The following ULK1 variants were observed in gnomAD, a reference collection of about 807,000 sequenced individuals.
The protein encoded by ULK1 is unc-51 like autophagy activating kinase 1, also known as serine/threonine-protein kinase ULK1.
Under a neutral mutation model 117.5 loss-of-function variants are expected in ULK1, and 48 were observed. The ratio of observed to expected loss-of-function variants is 0.41; its 90% CI spans 0.32 to 0.52. ULK1 has a LOEUF of 0.52. ULK1 is among the 20% of genes least tolerant of loss of function. ULK1 has a pLI of 0.29. For missense variants in ULK1, 1,387 were observed against 1,473.4 expected (o/e 0.94, Z 0.96); for synonymous variants, 790 against 637.8 (o/e 1.24, Z -3.60).
At chr12:131,916,225 C>G (rs1889775993) in intron 19 of ULK1, 66 bp downstream of exon 19, 2 of 1,570,454 alleles carry the variant, frequency 1.3e-6, no homozygotes, top group Non-Finnish European at 1.7e-6. Context: ...AATGGCCAGT[C>G]CTGAACAAAG....
In ULK1 at chr12:131,920,343, G is replaced by A. The variant is rs1025570917; in HGVS notation, c.2961+207G>A. Reference sequence around the variant, plus strand: ...GTGCATCCTTGATTGTACGGGTGCCGTGGCCCATGTGCATCCTGCCTCGCC... The same window carrying A: ...GTGCATCCTTGATTGTACGGGTGCCATGGCCCATGTGCATCCTGCCTCGCC... On this transcript the variant is annotated intron_variant, in intron 26 of 27. Transcript: ENST00000321867. The A allele has an allele frequency of 8.8e-5, 53 of 605,556 alleles. No individual in the cohort carries two copies. The East Asian group carries it at 1.3e-3, about 15-fold the overall frequency. The allele number at this position is 605,556 out of a possible 1,614,324, so 37.5% of individuals were successfully genotyped here.
Position 131,915,161 on chromosome 12 carries a change from T to C in ULK1, c.1452T>C (p.Ala484=). 6.2e-7 allele frequency: 1 copy of C among 1,605,718 alleles called. No individual in the cohort carries two copies. Among genetic ancestry groups the C allele is most frequent in the Middle Eastern group, 1.7e-4 (1 of 6,042 alleles). ...CCAGCCCCTCGCCCCCTGCCCACGC[T>C]GAGCATGGAGGCGTCCTGGCCAGGA... ...ARASPSPPAH[A]EHGGVLARKM... Residue 484 remains alanine (A), a synonymous_variant, in exon 17 of 28, where the codon GCT becomes GCC. Transcript: ENST00000321867.
At position 131,919,194 on chromosome 12, in the gene ULK1, G is replaced by A; in HGVS notation, c.2512-18G>A. 1 of 1,583,974 alleles carries A rather than the reference G, an allele frequency of 6.3e-7. No individual in the cohort carries two copies. The highest frequency in any genetic ancestry group is 8.5e-7 in the Non-Finnish European group (1 of 1,171,488). The stretch of plus-strand genomic sequence containing the variant: ...AAGCCCGGGCAGCACTTGCCGCCCT[G>A]ACGGCCGCTTCCTGCAGCAAGAGCA... On this transcript the variant is annotated intron_variant, in intron 23 of 27. Transcript: ENST00000321867.
Position 131,917,274 on chromosome 12 carries a change from GTTCGGCTCGGAGGCTGT to G in ULK1, c.2183-136_2183-120del, listed in dbSNP as rs1889876659. 23 of 682,484 alleles carry G rather than the reference GTTCGGCTCGGAGGCTGT, an allele frequency of 3.4e-5. 6 individuals are homozygous for G. Among genetic ancestry groups the G allele is most frequent in the South Asian group, 2.6e-4 (7 of 26,460 alleles). 42.3% of individuals were successfully genotyped at this position (682,484 alleles called of 1,614,324 possible). A position where few individuals can be genotyped will look rare whatever the true frequency, so the allele number is the denominator to read the frequency against. On this transcript the variant is annotated intron_variant, in intron 21 of 27. Transcript: ENST00000321867. ...TCGGAGGCTGTGGGACGGGGGTCGG[GTTCGGCTCGGAGGCTGT>G]GGGACGGGGGTTGGGGGGAGCTCGG... is the stretch of plus-strand genomic sequence containing the variant.
Position 131,909,902 on chromosome 12 carries a change from G to A in ULK1, c.726-17G>A. 1.2e-6 allele frequency: 2 copies of A among 1,611,484 alleles called. No homozygotes were observed. Among genetic ancestry groups the A allele is most frequent in the Non-Finnish European group, 1.7e-6 (2 of 1,179,510 alleles). ...GGCCCCGCAGGCCCTGCTCACACCA[G>A]CCTCCTCTTGCCCCAGCATCCCCCG... On this transcript the variant is annotated splice_polypyrimidine_tract_variant and intron_variant, in intron 9 of 27. Coordinates refer to ENST00000321867, the MANE Select transcript of ULK1 (RefSeq NM_003565.4).
chr12:131,912,599 C>T (rs1157711364), intron 13 of ULK1, among the ~76,000 whole-genome samples: 2 of 152,208 alleles, frequency 1.3e-5, no homozygotes, highest in African/African-American at 2.4e-5. Context: ...TGTCCCAAAG[C>T]TCCTGGAGGT....
In ULK1 at chr12:131,916,433, C is replaced by G; in HGVS notation, c.1914C>G (p.Ser638Arg). 1 of 1,602,860 alleles carries G rather than the reference C, an allele frequency of 6.2e-7. No individual in the cohort carries two copies. Among genetic ancestry groups the G allele is most frequent in the Non-Finnish European group, 8.5e-7 (1 of 1,175,286 alleles). The part of the protein sequence containing the change: ...VPSFDFPKTP[S>R]SQNLLALLAR... ...CCTTTGACTTCCCGAAGACCCCCAGCTCCCAGAACCTGCTGGCCCTCCTAG... is the reference window on the plus strand; with the variant it reads ...CCTTTGACTTCCCGAAGACCCCCAGGTCCCAGAACCTGCTGGCCCTCCTAG... Residue 638 changes from serine (S) to arginine (R), a missense_variant, in exon 20 of 28, where the codon AGC becomes AGG. Ser to Arg is a moderately radical substitution (Grantham distance 110). This residue lies in a region of ULK1 where 900 missense variants were observed against 858.9 expected (regional missense o/e 1.05). Transcript: ENST00000321867.
intron 12 of ULK1, among the ~76,000 whole-genome samples, chr12:131,911,544 C>T (rs764347303): frequency 3.3e-5 from 5 of 152,208 alleles, no homozygotes; most frequent in East Asian, 1.9e-4. Context: ...CAGGGCCCAC[C>T]GGGGTGGCAG....
chr12:131,918,934 GGTGCAGGGT>G (rs1890014284), intron 23 of ULK1, among the ~76,000 whole-genome samples: 2 of 87,250 alleles, frequency 2.3e-5, no homozygotes, highest in African/African-American at 7.1e-5. Flanking sequence ...GGGTGTGTGG[GGTGCAGGGT>G]GTGTGGGGTG....
rs139527932 is a variant in ULK1, at chr12:131,909,141, C to T, written c.570C>T (p.Pro190=). 1.7e-5 allele frequency: 27 copies of T among 1,607,068 alleles called. No homozygotes were observed. Among genetic ancestry groups the T allele is most frequent in the Middle Eastern group, 1.6e-4 (1 of 6,076 alleles). The change falls in exon 8 of 28, where the codon CCC becomes CCT. Residue 190 remains proline, a synonymous_variant. Coordinates refer to ENST00000321867, the MANE Select transcript of ULK1 (RefSeq NM_003565.4). ...CCCGACTTCTGGTCCCGCAGGCCCC[C>T]GAGGTCATCATGTCCCAGCACTACG... ...TLCGSPMYMA[P]EVIMSQHYDG... is the part of the protein sequence containing the mutation.
chr12:131,906,561 C>T (rs4964922), intron 3 of ULK1: 87,871 of 338,206 alleles, frequency 0.26, 17,586 homozygotes, highest in East Asian at 0.65. Context: ...AGCTGAGAAG[C>T]TTCTATGGCC....
chr12:131,918,330 G>A (rs1169779746), intron 22 of ULK1, 167 bp from the exon 23 acceptor site: 2 of 809,404 alleles, frequency 2.5e-6, no homozygotes, highest in East Asian at 5.6e-5. Context: ...GTTGAGGAGT[G>A]GCTCTAGGGG....
At chr12:131,905,723 G>A (rs949588982) in intron 3 of ULK1, among the ~76,000 whole-genome samples, 2 of 152,208 alleles carry the variant, frequency 1.3e-5, no homozygotes, top group African/African-American at 4.8e-5. Flanking sequence ...CGGGGGTGAT[G>A]AGGACTCGTC....
chr12:131,908,274 G>A (rs1411563112), intron 5 of ULK1, among the ~76,000 whole-genome samples: 1 of 147,400 alleles, frequency 6.8e-6, no homozygotes, highest in Non-Finnish European at 1.5e-5. Context: ...GCTGAGACTG[G>A]GGCTGCGGGT....
At position 131,914,474 on chromosome 12, in the gene ULK1, C is replaced by T. The variant is rs1479193819; in HGVS notation, c.1370C>T (p.Pro457Leu). Residue 457 changes from proline to leucine, a missense_variant, in exon 16 of 28, where the codon CCT becomes CTT. Pro to Leu is a moderately conservative substitution (Grantham distance 98). Transcript: ENST00000321867. Reference protein sequence around the residue: ...NLQSPTQFQTPRSSAIRRSGS... With the variant: ...NLQSPTQFQTLRSSAIRRSGS... Reference sequence around the variant, plus strand: ...CAGTCACCCACCCAGTTCCAAACACCTCGGTGAGTGTGGAGCCCCCAGGTA... The same window carrying T: ...CAGTCACCCACCCAGTTCCAAACACTTCGGTGAGTGTGGAGCCCCCAGGTA... 6.2e-7 allele frequency: 1 copy of T among 1,612,170 alleles called. No individual in the cohort carries two copies. Among genetic ancestry groups the T allele is most frequent in the South Asian group, 1.1e-5 (1 of 91,056 alleles).
intron 1 of ULK1, 82 bp from the exon 2 acceptor site, chr12:131,895,518 AG>A: frequency 8.4e-7 from 1 of 1,185,592 alleles, no homozygotes; most frequent in Non-Finnish European, 1.2e-6. Flanking sequence ...GGATCATCTC[AG>A]GGCCCCACCT....
chr12:131,896,130 G>C (rs1888857843), intron 3 of ULK1, among the ~76,000 whole-genome samples: 1 of 152,192 alleles, frequency 6.6e-6, no homozygotes, highest in African/African-American at 2.4e-5. Context: ...CGGCGTCCCC[G>C]GCTGGCCCTG....
intron 8 of ULK1, 60 bp from the exon 9 acceptor site, chr12:131,909,715 C>A: frequency 1.3e-6 from 2 of 1,488,802 alleles, no homozygotes; most frequent in Non-Finnish European, 1.8e-6. Context: ...GCACCGAGAC[C>A]CCGTGGGCTG....
Position 131,895,673 on chromosome 12 carries a change from A to G in ULK1, c.184A>G (p.Lys62Glu). ...CGCCAAGTCTCAGACGCTGCTGGGGAAGGAAATCAAAATCCTGAAGGTGAG... is the reference window on the plus strand; with the variant it reads ...CGCCAAGTCTCAGACGCTGCTGGGGGAGGAAATCAAAATCCTGAAGGTGAG... ...NLAKSQTLLG[K>E]EIKILKELKH... is the part of the protein sequence containing the mutation. The change falls in exon 2 of 28, where the codon AAG becomes GAG. Residue 62 changes from lysine to glutamate, a missense_variant. Around this residue, in one of 4 missense-constraint regions of ULK1, gnomAD observed 224 missense variants for 325.2 expected, o/e 0.69. Coordinates refer to ENST00000321867, the MANE Select transcript of ULK1 (RefSeq NM_003565.4). 6.2e-7 allele frequency: 1 copy of G among 1,614,106 alleles called. No homozygotes were observed. The highest frequency in any genetic ancestry group is 8.5e-7 in the Non-Finnish European group (1 of 1,179,992).
Sources: allele counts gnomAD v4.1 joint callset (sites outside exome capture counted in the v4.1 genomes callset), GRCh38; gene constraint gnomAD v4.1.1; regional missense constraint gnomAD v4.1.1; transcripts MANE v1.5; gene names NCBI Gene and HGNC (gene_info 2026-07-23, HGNC 2026-07-21).